The following LARS1 variants were observed in gnomAD, a reference collection of about 807,000 sequenced individuals.
LARS1 encodes leucyl-tRNA synthetase 1, also known as leucine--tRNA ligase, cytoplasmic.
In LARS1, 100 loss-of-function variants were observed where a neutral mutation model predicts 162.8. That is an observed-to-expected ratio of 0.61 (90% CI 0.52 to 0.73). LARS1 has a LOEUF of 0.73. LARS1 is among the 30% of genes least tolerant of loss of function. The pLI is 0.00. For synonymous variants in LARS1, 457 were observed against 462.8 expected, an observed-to-expected ratio of 0.99 and a Z score of 0.16; for missense variants, 1,258 against 1,408.9, an observed-to-expected ratio of 0.89 and a Z score of 1.71.
intron 31 of LARS1, among the ~76,000 whole-genome samples, chr5:146,116,349 C>T (rs901118276): frequency 6.6e-6 from 1 of 152,174 alleles, no homozygotes; most frequent in Non-Finnish European, 1.5e-5. Flanking sequence ...CTGCCTCTGC[C>T]TCTTTCTCTC....
At chr5:146,125,405 C>A (rs531358729) in intron 28 of LARS1, among the ~76,000 whole-genome samples, 46 of 152,112 alleles carry the variant, frequency 3.0e-4, no homozygotes, top group African/African-American at 1.1e-3. Flanking sequence ...CAGGCATCTG[C>A]AGCCAAGAAG....
At chr5:146,128,162 C>A (rs1752119352) in intron 27 of LARS1, among the ~76,000 whole-genome samples, 1 of 152,082 alleles carries the variant, frequency 6.6e-6, no homozygotes, top group Non-Finnish European at 1.5e-5. Flanking sequence ...CATTACCTGG[C>A]ACAGCCAAAA....
intron 20 of LARS1, 135 bp downstream of exon 20, chr5:146,142,737 T>C (rs1176612039): frequency 7.3e-6 from 5 of 681,748 alleles, no homozygotes; most frequent in Non-Finnish European, 1.2e-5. Flanking sequence ...CTTTAGTACA[T>C]ATTTAAGATA....
chr5:146,135,946 C>T (rs1267361651), intron 21 of LARS1, among the ~76,000 whole-genome samples: 2 of 152,202 alleles, frequency 1.3e-5, no homozygotes, highest in Non-Finnish European at 2.9e-5. Context: ...CTGGGTTAGA[C>T]ATGTGTAATG....
chr5:146,166,469 G>A (rs1328490020), intron 5 of LARS1, among the ~76,000 whole-genome samples: 1 of 152,154 alleles, frequency 6.6e-6, no homozygotes, highest in Non-Finnish European at 1.5e-5. Context: ...CAGCTACTCA[G>A]GAGACTGAGG....
chr5:146,181,374 C>CG (rs1561504378), intron 1 of LARS1, among the ~76,000 whole-genome samples: 1 of 150,934 alleles, frequency 6.6e-6, no homozygotes, highest in Admixed American at 6.6e-5. Flanking sequence ...AACAAACAAA[C>CG]AAAAAACAAA....
chr5:146,180,067 A>G (rs1167990504), intron 1 of LARS1, among the ~76,000 whole-genome samples: 1 of 152,242 alleles, frequency 6.6e-6, no homozygotes, highest in African/African-American at 2.4e-5. Context: ...AATGCCACAG[A>G]CACAGAAGTT....
chr5:146,169,687 T>A (rs1343697938), intron 4 of LARS1, among the ~76,000 whole-genome samples: 2 of 152,068 alleles, frequency 1.3e-5, no homozygotes, highest in African/African-American at 4.8e-5. Flanking sequence ...TAGCTGGAAT[T>A]ACAGGCACCT....
rs1330798277 is a variant in LARS1, at chr5:146,153,887, CTT to C, written c.1153+4_1153+5del. ...AAATATTTCTAGAAATAAATAAACTCTTTACCTTTATCCTCCTTAATAGTTAG... is the reference window on the plus strand; with the variant it reads ...AAATATTTCTAGAAATAAATAAACTCTACCTTTATCCTCCTTAATAGTTAG... On this transcript the variant is annotated splice_donor_5th_base_variant and intron_variant, in intron 11 of 31. Coordinates refer to ENST00000394434, the MANE Select transcript of LARS1 (RefSeq NM_020117.11). 1.2e-6 allele frequency: 2 copies of C among 1,609,252 alleles called. No homozygotes were observed. Among genetic ancestry groups the C allele is most frequent in the African/African-American group, 1.3e-5 (1 of 74,778 alleles).
intron 5 of LARS1, among the ~76,000 whole-genome samples, chr5:146,165,269 G>T (rs751866041): frequency 6.6e-6 from 1 of 152,110 alleles, no homozygotes; most frequent in Non-Finnish European, 1.5e-5. Context: ...GGAGGCGGAG[G>T]TTGCAGTGAG....
intron 30 of LARS1, among the ~76,000 whole-genome samples, chr5:146,121,729 GA>G (rs1189013761): frequency 6.6e-6 from 1 of 152,126 alleles, no homozygotes; most frequent in Non-Finnish European, 1.5e-5. Flanking sequence ...CACAGGAACA[GA>G]AAACCAAACA....
intron 2 of LARS1, among the ~76,000 whole-genome samples, chr5:146,174,503 T>TCC (rs1561497983): frequency 0.011 from 140 of 12,448 alleles, 12 homozygotes; most frequent in Middle Eastern, 0.036. Flanking sequence ...TATATATCCA[T>TCC]ATATATATAT....
chr5:146,120,524 T>C (rs1421731153), intron 30 of LARS1, 21 bp from the exon 31 acceptor site: 2 of 1,605,846 alleles, frequency 1.2e-6, no homozygotes, highest in African/African-American at 1.3e-5. Flanking sequence ...AACAAGAAAA[T>C]GATTGTTTAA....
intron 14 of LARS1, among the ~76,000 whole-genome samples, chr5:146,151,219 A>T (rs1444287696): frequency 6.6e-6 from 1 of 152,162 alleles, no homozygotes; most frequent in Non-Finnish European, 1.5e-5. Flanking sequence ...TGTCACTTCA[A>T]AAAAAAGAAA....
chr5:146,132,540 T>C (rs1752331193), intron 23 of LARS1: 1 of 167,724 alleles, frequency 6.0e-6, no homozygotes, highest in Admixed American at 6.2e-5. Context: ...CATGGTAAAA[T>C]GGTTATGAGA....
At chr5:146,143,701 G>C in intron 18 of LARS1, 151 bp from the exon 19 acceptor site, 1 of 802,086 alleles carries the variant, frequency 1.2e-6, no homozygotes, top group Non-Finnish European at 1.9e-6. Context: ...TAAAATTGTA[G>C]ATAAAAGACA....
chr5:146,131,101 T>C lies in LARS1; in HGVS notation c.2405A>G (p.Asn802Ser), dbSNP rs1752259540. 1 of 1,539,692 alleles carries C rather than the reference T, an allele frequency of 6.5e-7. No homozygotes were observed. The highest frequency in any genetic ancestry group is 8.9e-7 in the Non-Finnish European group (1 of 1,121,982). The change falls in exon 24 of 32, where the codon AAT becomes AGT. Residue 802 changes from asparagine (N) to serine (S), a missense_variant. Coordinates refer to ENST00000394434, the MANE Select transcript of LARS1 (RefSeq NM_020117.11). Reference protein sequence around the residue: ...FNDRVFASELNAGIIKTDQNY... With the variant: ...FNDRVFASELSAGIIKTDQNY... ...TTGATCTGTTTTTATAATTCCTGCA[T>C]TCAATTCACTATTGAATACGGGGAA... is the stretch of plus-strand genomic sequence containing the variant.
Position 146,128,685 on chromosome 5 carries a change from C to T in LARS1, c.2867G>A (p.Arg956His), listed in dbSNP as rs777240648. The T allele has an allele frequency of 3.2e-6, 5 of 1,579,482 alleles. No individual in the cohort carries two copies. Among genetic ancestry groups the T allele is most frequent in the South Asian group, 2.4e-5 (2 of 84,828 alleles). Residue 956 changes from arginine to histidine, a missense_variant, in exon 27 of 32, where the codon CGT (arginine) becomes CAT (histidine). Transcript: ENST00000394434. ...PWQHTTLSVL[R>H]KHFEANNGKL... Reference sequence around the variant, plus strand: ...TGAGAGCATCACCTCAAAGTGTTTACGTAGAACAGACAGGGTGGTATGTTG... The same window carrying T: ...TGAGAGCATCACCTCAAAGTGTTTATGTAGAACAGACAGGGTGGTATGTTG...
chr5:146,171,787 T>C, intron 4 of LARS1, 123 bp downstream of exon 4: 1 of 643,560 alleles, frequency 1.6e-6, no homozygotes, highest in Non-Finnish European at 2.7e-6. Flanking sequence ...TTCACTATAA[T>C]AAATTCAACT....
Sources: gnomAD v4.1 joint callset for allele counts (sites outside exome capture counted in the v4.1 genomes callset) on GRCh38, gnomAD v4.1.1 for gene constraint, MANE v1.5 for transcripts, NCBI Gene and HGNC (gene_info 2026-07-23, HGNC 2026-07-21) for gene names.